The following SLC22A14 variants were observed in gnomAD, a reference collection of about 807,000 sequenced individuals.
The protein encoded by SLC22A14 is organic cation transporter-like 4.
Under a neutral mutation model 53.9 loss-of-function variants are expected in SLC22A14, and 50 were observed. That is an observed-to-expected ratio of 0.93 (90% confidence interval 0.74 to 1.17). The LOEUF (loss-of-function observed/expected upper bound fraction) is 1.17. Ranked by LOEUF, SLC22A14 falls within the 50% of genes most tolerant of loss-of-function variation. The pLI, the probability that SLC22A14 is intolerant of heterozygous loss-of-function variation, is 0.00. For synonymous variants in SLC22A14, 312 were observed against 303.0 expected (o/e 1.03, Z -0.31); for missense variants, 671 against 734.7 (o/e 0.91, Z 1.00).
intron 8 of SLC22A14, 58 bp downstream of exon 8, chr3:38,313,999 T>G: frequency 6.8e-7 from 1 of 1,481,000 alleles, no homozygotes; most frequent in Non-Finnish European, 9.4e-7. Flanking sequence ...CCAAAACCCC[T>G]CCCCAGTGCC....
chr3:38,285,742 T>C lies in SLC22A14; in HGVS notation c.-1+3403T>C, dbSNP rs564237746. ...TCACAGTTGAAAAGTGTCATGAACA[T>C]TTTGGTACTTATTTCCTGGATCATA... On this transcript the variant is annotated intron_variant, in intron 1 of 10. Transcript: ENST00000448498. Among the ~76,000 whole-genome samples the C allele has an allele frequency of 3.3e-5, 5 of 152,352 alleles. No individual in the cohort carries two copies. The East Asian group carries it at 9.6e-4, about 29-fold the overall frequency.
intron 1 of SLC22A14, among the ~76,000 whole-genome samples, chr3:38,294,087 CCTA>C (rs1271254048): frequency 2.0e-5 from 3 of 151,990 alleles, no homozygotes; most frequent in Admixed American, 6.6e-5. Flanking sequence ...TTCTCCTCCT[CCTA>C]CTGCTTGGAG....
chr3:38,286,756 G>A (rs1405296018), intron 1 of SLC22A14, among the ~76,000 whole-genome samples: 6 of 147,550 alleles, frequency 4.1e-5, no homozygotes, highest in African/African-American at 1.5e-4. Context: ...TTTTGAGATG[G>A]AGTCTTGCTC....
intron 1 of SLC22A14, chr3:38,305,643 T>TCGCC: frequency 2.3e-5 from 4 of 176,962 alleles, no homozygotes; most frequent in Admixed American, 5.5e-5. Context: ...GATCTTTGTT[T>TCGCC]GTTTTTGAAG....
chr3:38,316,447 C>T lies in SLC22A14; in HGVS notation c.1656C>T (p.Ala552=). 6.2e-7 allele frequency: 1 copy of T among 1,614,134 alleles called. No homozygotes were observed. The highest frequency in any genetic ancestry group is 8.5e-7 in the Non-Finnish European group (1 of 1,179,980). The change falls in exon 10 of 11, where the codon GCC becomes GCT. Residue 552 remains alanine (A), a synonymous_variant. Coordinates refer to ENST00000448498, the MANE Select transcript of SLC22A14 (RefSeq NM_001320033.2). ...IFLCCVLAIV[A]FSLSSLLPET... ...TCTGCTGCGTCTTAGCCATCGTGGCCTTTTCCCTCTCCTCCCTGCTGCCGG... is the reference window on the plus strand; with the variant it reads ...TCTGCTGCGTCTTAGCCATCGTGGCTTTTTCCCTCTCCTCCCTGCTGCCGG...
At chr3:38,306,614 G>C in intron 2 of SLC22A14, 72 bp downstream of exon 2, 1 of 1,439,368 alleles carries the variant, frequency 6.9e-7, no homozygotes, top group Non-Finnish European at 9.5e-7. Flanking sequence ...TCACTGAATG[G>C]GTGGGGAAAC....
At position 38,313,214 on chromosome 3, in the gene SLC22A14, G is replaced by A. The variant is rs1704521618; in HGVS notation, c.1065+95G>A. 7 of 1,536,956 alleles carry A rather than the reference G, an allele frequency of 4.6e-6. No homozygotes were observed. The East Asian group carries it at 1.4e-4, about 30-fold the overall frequency. On this transcript the variant is annotated intron_variant, in intron 6 of 10. Transcript: ENST00000448498. ...TTTCAGGTGGGACATTGGTCCAGAG[G>A]GTGCCCCCAGTCCACTGCTTAAGGA... is the stretch of plus-strand genomic sequence containing the variant.
chr3:38,312,969 G>C (rs377330095), intron 5 of SLC22A14, 30 bp from the exon 6 acceptor site: 12 of 1,568,616 alleles, frequency 7.7e-6, no homozygotes, highest in Non-Finnish European at 1.0e-5. Context: ...ATCATAGAAC[G>C]GTGAGATAAG....
intron 1 of SLC22A14, among the ~76,000 whole-genome samples, chr3:38,291,962 T>C (rs1397089157): frequency 6.6e-6 from 1 of 152,220 alleles, no homozygotes; most frequent in Non-Finnish European, 1.5e-5. Flanking sequence ...GAAAAGCCAG[T>C]GTAGGCTGGA....
intron 1 of SLC22A14, among the ~76,000 whole-genome samples, chr3:38,290,308 C>T (rs936974225): frequency 6.6e-6 from 1 of 152,156 alleles, no homozygotes; most frequent in Non-Finnish European, 1.5e-5. Context: ...GGGGCGCCTT[C>T]GATGTCATCA....
chr3:38,287,474 G>A (rs957570632), intron 1 of SLC22A14, among the ~76,000 whole-genome samples: 4 of 152,006 alleles, frequency 2.6e-5, no homozygotes, highest in South Asian at 4.1e-4. Flanking sequence ...ATGATATGAT[G>A]AATCTAATTT....
chr3:38,308,876 A>G, intron 4 of SLC22A14, 78 bp from the exon 5 acceptor site: 1 of 1,347,646 alleles, frequency 7.4e-7, no homozygotes. Context: ...AGGTGGGGAC[A>G]CCCAGCAAGG....
Position 38,313,060 on chromosome 3 carries a change from G to A in SLC22A14, c.1006G>A (p.Val336Met). 2 of 1,601,964 alleles carry A rather than the reference G, an allele frequency of 1.2e-6. No homozygotes were observed. Among genetic ancestry groups the A allele is most frequent in the South Asian group, 1.1e-5 (1 of 88,376 alleles). ...AGGGAAGGTGAAGGAGGCCAAGCAG[G>A]TGCTGTGCTACGCCGCAAGTGTGAA... ...MKGKVKEAKQ[V>M]LCYAASVNKK... The change falls in exon 6 of 11, where the codon GTG (valine) becomes ATG (methionine). Residue 336 changes from valine (V) to methionine (M), a missense_variant. Transcript: ENST00000448498.
At position 38,299,112 on chromosome 3, in the gene SLC22A14, G is replaced by A. The variant is rs9838244; in HGVS notation, c.1-6915G>A. On this transcript the variant is annotated intron_variant, in intron 1 of 10. Coordinates refer to ENST00000448498, the MANE Select transcript of SLC22A14 (RefSeq NM_001320033.2). ...TTTCTTCCCCATCCTCTTCAATGCA[G>A]TTATGATGTTTATTTGTATCACATT... Among the ~76,000 whole-genome samples, 1,387 of 152,242 alleles carry A rather than the reference G, an allele frequency of 9.1e-3. 15 individuals carry two copies. Among genetic ancestry groups the A allele is most frequent in the African/African-American group, 0.032 (1,334 of 41,520 alleles).
chr3:38,313,527 C>A, intron 7 of SLC22A14, 42 bp downstream of exon 7: 1 of 1,411,052 alleles, frequency 7.1e-7, no homozygotes, highest in Non-Finnish European at 1.0e-6. Context: ...CGAACAGGTG[C>A]GCAGGCTGGA....
At chr3:38,286,542 C>G (rs1703796918) in intron 1 of SLC22A14, among the ~76,000 whole-genome samples, 2 of 151,368 alleles carry the variant, frequency 1.3e-5, no homozygotes, top group African/African-American at 4.9e-5. Context: ...TCCCGAGTAA[C>G]TGGGATTACA....
At chr3:38,313,695 T>TGC (rs1553644892) in intron 7 of SLC22A14, 32 bp from the exon 8 acceptor site, 2 of 1,339,474 alleles carry the variant, frequency 1.5e-6, no homozygotes, top group Non-Finnish European at 2.1e-6. Context: ...TGCGCGCGTG[T>TGC]GCACGCGCAC....
At chr3:38,313,331 C>T in intron 6 of SLC22A14, 57 bp from the exon 7 acceptor site, 1 of 1,448,272 alleles carries the variant, frequency 6.9e-7, no homozygotes, top group Non-Finnish European at 9.7e-7. Flanking sequence ...TGCTGTGGGG[C>T]TGGGGAGCAA....
chr3:38,303,859 A>T (rs1704228428), intron 1 of SLC22A14: 1 of 152,088 alleles, frequency 6.6e-6, no homozygotes, highest in Non-Finnish European at 1.5e-5. Context: ...ATTTTAGTAT[A>T]TGTGCTACCG....
Sources: allele counts gnomAD v4.1 joint callset (sites outside exome capture counted in the v4.1 genomes callset), GRCh38; gene constraint gnomAD v4.1.1; transcripts MANE v1.5; gene names NCBI Gene and HGNC (gene_info 2026-07-23, HGNC 2026-07-21).